The following APBA1 variants were observed in gnomAD, a reference collection of about 807,000 sequenced individuals.
APBA1 encodes the protein amyloid-beta A4 precursor protein-binding family A member 1.
Under a neutral mutation model 86.6 loss-of-function variants are expected in APBA1, and 55 were observed. That is an observed-to-expected ratio of 0.64 (90% CI 0.51 to 0.80). The LOEUF is 0.80. Among genes scored for constraint, APBA1 ranks in the 30% least tolerant of loss-of-function variants. The pLI, the probability that APBA1 is intolerant of heterozygous loss-of-function variation, is 0.00. For synonymous variants in APBA1, 511 were observed against 493.9 expected, an observed-to-expected ratio of 1.03 and a Z score of -0.46; for missense variants, 1,090 against 1,183.0, an observed-to-expected ratio of 0.92 and a Z score of 1.15.
chr9:69,664,766 A>G (rs774856205), intron 1 of APBA1, among the ~76,000 whole-genome samples: 4 of 152,252 alleles, frequency 2.6e-5, no homozygotes, highest in African/African-American at 7.2e-5. Flanking sequence ...ACCCTATAAC[A>G]GAGCGTATCT....
intron 1 of APBA1, among the ~76,000 whole-genome samples, chr9:69,658,286 CTCTCTCTT>C (rs1352840243): frequency 6.7e-5 from 5 of 74,240 alleles, no homozygotes; most frequent in Admixed American, 3.1e-4. Context: ...CTTTCTTTCT[CTCTCTCTT>C]TCTCTCTCTC....
intron 1 of APBA1, among the ~76,000 whole-genome samples, chr9:69,666,807 T>A (rs935850448): frequency 1.3e-5 from 2 of 152,226 alleles, no homozygotes; most frequent in Admixed American, 1.3e-4. Flanking sequence ...TTTAATGCTA[T>A]CATAAACTTG....
intron 1 of APBA1, among the ~76,000 whole-genome samples, chr9:69,579,209 T>C (rs1588375058): frequency 6.6e-6 from 1 of 152,062 alleles, no homozygotes; most frequent in Non-Finnish European, 1.5e-5. Context: ...ATACTCTACA[T>C]ACTGCAGCCC....
chr9:69,434,240 G>A (rs1834656572), intron 11 of APBA1, among the ~76,000 whole-genome samples: 1 of 152,148 alleles, frequency 6.6e-6, no homozygotes, highest in African/African-American at 2.4e-5. Flanking sequence ...GCTCTTGGAG[G>A]GTGCATCCCA....
intron 1 of APBA1, among the ~76,000 whole-genome samples, chr9:69,536,704 TAAAAAA>T (rs71356116): frequency 5.4e-5 from 3 of 55,956 alleles, no homozygotes; most frequent in African/African-American, 6.9e-5. Context: ...CCATCTCTAC[TAAAAAA>T]AAAAAAAAAA....
At chr9:69,571,300 G>A (rs933639245) in intron 1 of APBA1, among the ~76,000 whole-genome samples, 6 of 152,126 alleles carry the variant, frequency 3.9e-5, no homozygotes, top group Non-Finnish European at 5.9e-5. Flanking sequence ...GTTCTACACC[G>A]CTGTATCATA....
intron 1 of APBA1, among the ~76,000 whole-genome samples, chr9:69,597,811 T>C (rs1333213839): frequency 2.6e-5 from 4 of 152,214 alleles, no homozygotes; most frequent in Non-Finnish European, 5.9e-5. Context: ...TTGTCGAAGA[T>C]AGGAACACTT....
At chr9:69,546,564 A>G (rs974562672) in intron 1 of APBA1, among the ~76,000 whole-genome samples, 8 of 152,204 alleles carry the variant, frequency 5.3e-5, no homozygotes, top group Non-Finnish European at 7.3e-5. Flanking sequence ...GGTGTGACCA[A>G]TTCCTCCTTA....
intron 5 of APBA1, chr9:69,464,855 T>A (rs1296334555): frequency 6.6e-6 from 1 of 152,166 alleles, no homozygotes; most frequent in East Asian, 1.9e-4. Context: ...AAGGCATAAA[T>A]GTTCTGTCTG....
intron 2 of APBA1, chr9:69,494,373 C>T (rs1047036750): frequency 6.6e-6 from 1 of 152,108 alleles, no homozygotes; most frequent in Non-Finnish European, 1.5e-5. Context: ...AAGCCCAGAG[C>T]CTTGCACAGC....
At chr9:69,436,884 T>C (rs1465554258) in intron 11 of APBA1, among the ~76,000 whole-genome samples, 11 of 151,802 alleles carry the variant, frequency 7.2e-5, no homozygotes, top group South Asian at 6.2e-4. Flanking sequence ...CCAGTTTTTG[T>C]CCATTCGGTA....
chr9:69,642,647 TAGAG>T (rs1823311048), intron 1 of APBA1, among the ~76,000 whole-genome samples: 2 of 151,674 alleles, frequency 1.3e-5, no homozygotes, highest in South Asian at 4.2e-4. Context: ...GAGAGAGAGA[TAGAG>T]AGAGATAGAG....
intron 4 of APBA1, among the ~76,000 whole-genome samples, chr9:69,469,544 T>C (rs945350893): frequency 6.6e-5 from 10 of 152,220 alleles, no homozygotes; most frequent in African/African-American, 2.4e-4. Context: ...AAGCAAGACT[T>C]TGAAGCTAAC....
chr9:69,506,038 A>G (rs1197041667), intron 2 of APBA1, among the ~76,000 whole-genome samples: 1 of 150,286 alleles, frequency 6.7e-6, no homozygotes, highest in Non-Finnish European at 1.5e-5. Context: ...AAAAAGAAGA[A>G]AAAAAAAAGA....
intron 1 of APBA1, among the ~76,000 whole-genome samples, chr9:69,643,563 C>T (rs1823332577): frequency 6.6e-6 from 1 of 152,186 alleles, no homozygotes; most frequent in Non-Finnish European, 1.5e-5. Context: ...ATTCCTCTCC[C>T]TCCTTCTTGT....
chr9:69,552,732 A>G (rs1021257152), intron 1 of APBA1, among the ~76,000 whole-genome samples: 2 of 152,230 alleles, frequency 1.3e-5, no homozygotes, highest in Non-Finnish European at 2.9e-5. Context: ...ATGTACAGGA[A>G]GCTACCCTGA....
chr9:69,530,817 A>C (rs1836420737), intron 1 of APBA1, among the ~76,000 whole-genome samples: 1 of 152,172 alleles, frequency 6.6e-6, no homozygotes, highest in South Asian at 2.1e-4. Flanking sequence ...CCTCCAAAAA[A>C]AGTCTGTATT....
intron 1 of APBA1, among the ~76,000 whole-genome samples, chr9:69,661,933 T>G (rs1823759626): frequency 6.6e-6 from 1 of 151,934 alleles, no homozygotes; most frequent in African/African-American, 2.4e-5. Context: ...CCACCAGAAT[T>G]GTGAGCCAAA....
intron 1 of APBA1, among the ~76,000 whole-genome samples, chr9:69,668,321 T>C (rs1406485950): frequency 6.6e-6 from 1 of 152,138 alleles, no homozygotes; most frequent in Non-Finnish European, 1.5e-5. Context: ...ACCCAACTGC[T>C]CTCTCAGCTA....
Sources: gnomAD v4.1 joint callset for allele counts (sites outside exome capture counted in the v4.1 genomes callset) on GRCh38, gnomAD v4.1.1 for gene constraint, MANE v1.5 for transcripts, NCBI Gene and HGNC (gene_info 2026-07-23, HGNC 2026-07-21) for gene names.